The following CCDC150 variants were observed in gnomAD, a reference collection of about 807,000 sequenced individuals.
CCDC150 encodes the protein coiled-coil domain-containing protein 150.
In CCDC150, 151 loss-of-function variants were observed where a neutral mutation model predicts 156.5. That is an observed-to-expected ratio of 0.97 (90% CI 0.85 to 1.10). The LOEUF (loss-of-function observed/expected upper bound fraction) is 1.10, where lower values mean the gene tolerates loss of function less well. CCDC150 is among the 50% of genes least tolerant of loss of function. The pLI is 0.00. For synonymous variants in CCDC150, 452 were observed against 429.4 expected (o/e 1.05, Z -0.65); for missense variants, 1,312 against 1,268.1 (o/e 1.03, Z -0.53).
At chr2:196,726,770 T>G (rs1698231915) in intron 22 of CCDC150, 1 of 152,280 alleles carries the variant, frequency 6.6e-6, no homozygotes, top group Non-Finnish European at 1.5e-5. Flanking sequence ...AAAGTAGCCT[T>G]TCTTGATTAG....
Position 196,672,329 on chromosome 2 carries a change from A to T in CCDC150, c.937-16A>T. 2.9e-6 allele frequency: 4 copies of T among 1,402,632 alleles called. No homozygotes were observed. Among genetic ancestry groups the T allele is most frequent in the Non-Finnish European group, 3.8e-6 (4 of 1,048,000 alleles). The allele number at this position is 1,402,632 out of a possible 1,614,324, so 86.9% of individuals were successfully genotyped here. On this transcript the variant is annotated splice_polypyrimidine_tract_variant and intron_variant, in intron 8 of 27. Coordinates refer to ENST00000389175, the MANE Select transcript of CCDC150 (RefSeq NM_001080539.2). ...TCTCTTATATGTGAAAAAGAGAGTA[A>T]TTTTTTTTCTTATAGAACCTGCAGA...
intron 13 of CCDC150, among the ~76,000 whole-genome samples, chr2:196,688,827 T>G (rs1695268481): frequency 6.6e-6 from 1 of 151,384 alleles, no homozygotes; most frequent in Admixed American, 6.6e-5. Flanking sequence ...CCCATGCCTA[T>G]GTCCTGAATG....
chr2:196,669,790 G>T, intron 7 of CCDC150, 43 bp from the exon 8 acceptor site: 1 of 1,326,438 alleles, frequency 7.5e-7, no homozygotes, highest in South Asian at 1.2e-5. Context: ...TTTTAATGTA[G>T]CAAGTTACTA....
At chr2:196,687,985 A>C (rs1695216258) in intron 13 of CCDC150, among the ~76,000 whole-genome samples, 2 of 152,262 alleles carry the variant, frequency 1.3e-5, no homozygotes, top group Middle Eastern at 3.4e-3. Context: ...AGTACCATGC[A>C]TGCTGTTTTG....
intron 5 of CCDC150, 41 bp from the exon 6 acceptor site, chr2:196,665,526 A>G (rs375529700): frequency 1.2e-5 from 14 of 1,188,882 alleles, no homozygotes; most frequent in Non-Finnish European, 1.6e-5. Context: ...TTAAACTAGT[A>G]TGATCAATTG....
chr2:196,645,738 T>C (rs909318512), intron 1 of CCDC150, among the ~76,000 whole-genome samples: 7 of 152,214 alleles, frequency 4.6e-5, no homozygotes, highest in African/African-American at 1.7e-4. Context: ...TGCTCTTGCC[T>C]GAAGTTAAGG....
intron 5 of CCDC150, among the ~76,000 whole-genome samples, chr2:196,664,989 A>G (rs1356050160): frequency 6.6e-6 from 1 of 152,260 alleles, no homozygotes; most frequent in Non-Finnish European, 1.5e-5. Flanking sequence ...ATTCCAGAAT[A>G]GAATGAAAAC....
At chr2:196,647,506 G>A (rs1692618062) in intron 2 of CCDC150, among the ~76,000 whole-genome samples, 1 of 151,982 alleles carries the variant, frequency 6.6e-6, no homozygotes, top group South Asian at 2.1e-4. Context: ...AAAGTCAGTG[G>A]TCCTCACTTA....
chr2:196,695,534 T>TG, intron 14 of CCDC150, among the ~76,000 whole-genome samples: 1 of 152,216 alleles, frequency 6.6e-6, no homozygotes, highest in South Asian at 2.1e-4. Flanking sequence ...TACAAATAAG[T>TG]GGTACAGTTC....
intron 13 of CCDC150, among the ~76,000 whole-genome samples, chr2:196,685,096 C>T (rs534715179): frequency 3.0e-4 from 45 of 151,558 alleles, no homozygotes; most frequent in African/African-American, 1.5e-4. Context: ...TTTTTTGTTT[C>T]GTTTTTTGCT....
At chr2:196,644,332 C>T (rs1408033849) in intron 1 of CCDC150, among the ~76,000 whole-genome samples, 3 of 152,148 alleles carry the variant, frequency 2.0e-5, no homozygotes, top group Non-Finnish European at 4.4e-5. Context: ...ATCTCTAGGT[C>T]AGTAGCTGGA....
chr2:196,667,746 T>C (rs1428962097), intron 7 of CCDC150: 1 of 152,148 alleles, frequency 6.6e-6, no homozygotes, highest in African/African-American at 2.4e-5. Context: ...AAAAAGGAAA[T>C]GGAAATTATA....
chr2:196,718,028 G>A (rs1697642654), intron 17 of CCDC150, among the ~76,000 whole-genome samples: 1 of 152,114 alleles, frequency 6.6e-6, no homozygotes, highest in Non-Finnish European at 1.5e-5. Flanking sequence ...TGATGGTGTG[G>A]CTCTACCAAA....
intron 7 of CCDC150, among the ~76,000 whole-genome samples, chr2:196,669,225 CA>C (rs1694048962): frequency 6.6e-6 from 1 of 152,106 alleles, no homozygotes; most frequent in Admixed American, 6.5e-5. Context: ...GCAGATATGT[CA>C]AAACACATAG....
rs369447025 is a variant in CCDC150 at position 196,706,442 on chromosome 2, G to A, written c.1695+5262G>A. ...GACAATGGGGTTTTCTAAATATACA[G>A]TCATGTCATCTGCAAACAGGGACAA... On this transcript the variant is annotated intron_variant, in intron 15 of 27. Coordinates refer to ENST00000389175, the MANE Select transcript of CCDC150 (RefSeq NM_001080539.2). Among the ~76,000 whole-genome samples the A allele has an allele frequency of 5.3e-5, 8 of 152,222 alleles. No individual in the cohort carries two copies. In the South Asian group the frequency reaches 6.2e-4, roughly 12 times the overall value.
At chr2:196,676,065 T>G in intron 10 of CCDC150, 78 bp from the exon 11 acceptor site, 1 of 1,396,426 alleles carries the variant, frequency 7.2e-7, no homozygotes, top group Non-Finnish European at 1.0e-6. Context: ...TTCAGTGTTT[T>G]TGATCAGTTA....
At chr2:196,729,912 C>G (rs1231725347) in intron 24 of CCDC150, 45 bp from the exon 25 acceptor site, 47 of 1,606,042 alleles carry the variant, frequency 2.9e-5, no homozygotes, top group Non-Finnish European at 6.0e-6. Context: ...AAATCTCAAA[C>G]TTGGAGGGTG....
In CCDC150 at chr2:196,730,035, G is replaced by A. The variant is rs1241196990; in HGVS notation, c.2899G>A (p.Asp967Asn). Residue 967 changes from aspartate to asparagine, a missense_variant, in exon 25 of 28, where the codon GAT becomes AAT. Physicochemically the swap from Asp to Asn is conservative, Grantham distance 23. Coordinates refer to ENST00000389175, the MANE Select transcript of CCDC150 (RefSeq NM_001080539.2). ...EMQMLAKSQY[D>N]ASVRNKQQEL... is the part of the protein sequence containing the mutation. The stretch of plus-strand genomic sequence containing the variant: ...GCAGATGTTGGCTAAGAGCCAATAT[G>A]ATGCCTCAGTGCGGAATAAACAGCA... 1.2e-6 allele frequency: 2 copies of A among 1,613,846 alleles called. No homozygotes were observed. Among genetic ancestry groups the A allele is most frequent in the Non-Finnish European group, 1.7e-6 (2 of 1,179,832 alleles).
At chr2:196,688,298 T>G (rs1004415515) in intron 13 of CCDC150, among the ~76,000 whole-genome samples, 4 of 152,192 alleles carry the variant, frequency 2.6e-5, no homozygotes, top group African/African-American at 9.6e-5. Flanking sequence ...TTTGTAGTTC[T>G]TGTAGAGACC....
Sources: gnomAD v4.1 joint callset for allele counts (sites outside exome capture counted in the v4.1 genomes callset) on GRCh38, gnomAD v4.1.1 for gene constraint, MANE v1.5 for transcripts, NCBI Gene and HGNC (gene_info 2026-07-23, HGNC 2026-07-21) for gene names.